TAGLN2: variants seen among roughly 807,000 people sequenced by gnomAD.
TAGLN2 encodes the protein transgelin-2.
Under a neutral mutation model 24.9 loss-of-function variants are expected in TAGLN2, and 14 were observed. The observed-to-expected ratio is 0.56, with a 90% CI of 0.37 to 0.88. The LOEUF (loss-of-function observed/expected upper bound fraction) is 0.88. TAGLN2 is among the 40% of genes least tolerant of loss of function. The pLI, the probability that TAGLN2 is intolerant of heterozygous loss-of-function variation, is 0.00. For synonymous variants in TAGLN2, 77 were observed against 98.2 expected, an observed-to-expected ratio of 0.78 and a Z score of 1.28; for missense variants, 208 against 258.9, an observed-to-expected ratio of 0.80 and a Z score of 1.35.
rs1424206087 is a variant in TAGLN2, at chr1:159,920,424, A to G, written c.86T>C (p.Ile29Thr). Residue 29 changes from isoleucine (I) to threonine (T), a missense_variant, in exon 2 of 5, where the codon ATC becomes ACC. By Grantham distance (89) the Ile-to-Thr change is moderately conservative (BLOSUM62 -1). Transcript: ENST00000368097. The stretch of plus-strand genomic sequence containing the variant: ...CTGGGTGGTGATCCACTGGATCAGG[A>G]TCTGCTCCAGATCTGCATCATATTG... ...EKQYDADLEQILIQWITTQCR... is the reference protein window; with the variant it reads ...EKQYDADLEQTLIQWITTQCR... The G allele has an allele frequency of 6.2e-7, 1 of 1,614,062 alleles. No homozygotes were observed. Among genetic ancestry groups the G allele is most frequent in the African/African-American group, 1.3e-5 (1 of 74,918 alleles).
At chr1:159,919,063 C>T in intron 4 of TAGLN2, 122 bp from the exon 5 acceptor site, 1 of 1,493,456 alleles carries the variant, frequency 6.7e-7, no homozygotes, top group Non-Finnish European at 9.1e-7. Flanking sequence ...CCCTCGAGAG[C>T]CATAAGCTCT....
chr1:159,923,375 G>A, intron 1 of TAGLN2: 2 of 1,532,976 alleles, frequency 1.3e-6, no homozygotes, highest in Non-Finnish European at 1.8e-6. Flanking sequence ...CAATAGGCGG[G>A]AAACGGGGAG....
chr1:159,923,671 G>A (rs192266566), intron 1 of TAGLN2: 10,475 of 486,216 alleles, frequency 0.022, 241 homozygotes, highest in South Asian at 0.082. Flanking sequence ...AGGATGGGGG[G>A]CGGCCCACAA....
At chr1:159,925,178 C>T (rs1650663780) in intron 1 of TAGLN2, 2 of 152,264 alleles carry the variant, frequency 1.3e-5, no homozygotes, top group South Asian at 4.1e-4. Flanking sequence ...GCGATGGAGC[C>T]CGCGGGTGGG....
At chr1:159,920,098 T>C (rs936032810) in intron 2 of TAGLN2, 3 of 782,844 alleles carry the variant, frequency 3.8e-6, no homozygotes, top group Non-Finnish European at 6.6e-6. Context: ...TCTTCCTCAG[T>C]GTCACCTCAG....
At chr1:159,923,596 G>C (rs1650605554) in intron 1 of TAGLN2, 1 of 1,062,012 alleles carries the variant, frequency 9.4e-7, no homozygotes, top group Non-Finnish European at 1.3e-6. Flanking sequence ...GGGACAGGGA[G>C]TGTTCTCAAA....
At chr1:159,923,404 G>C (rs1338741678) in intron 1 of TAGLN2, 1 of 1,547,460 alleles carries the variant, frequency 6.5e-7, no homozygotes, top group East Asian at 2.5e-5. Flanking sequence ...CAAGGCACTC[G>C]GCCCCACCCA....
Position 159,919,309 on chromosome 1 carries a change from A to G in TAGLN2, c.423T>C (p.Asp141=), listed in dbSNP as rs530332838. The G allele has an allele frequency of 1.7e-5, 28 of 1,614,200 alleles. No individual in the cohort carries two copies. In the African/African-American group the frequency reaches 2.8e-4, roughly 16 times the overall value. Residue 141 remains aspartate (D), a synonymous_variant, in exon 4 of 5, where the codon GAT becomes GAC. Coordinates refer to ENST00000368097, the MANE Select transcript of TAGLN2 (RefSeq NM_003564.3). ...NLGGLAVARD[D]GLFSGDPNWF... Reference sequence around the variant, plus strand: ...AGTTGGGATCCCCAGAGAAGAGCCCATCATCTCGGGCTACTGCCAGCCCAC... The same window carrying G: ...AGTTGGGATCCCCAGAGAAGAGCCCGTCATCTCGGGCTACTGCCAGCCCAC...
rs773513252 is a variant in TAGLN2 at position 159,918,954 on chromosome 1, G to A, written c.459-13C>T. Reference sequence around the variant, plus strand: ...CTCCTTGGATTTCCTGGGTGACAAGGGAGTGGTGGTTAGAGGAGATCACAG... The same window carrying A: ...CTCCTTGGATTTCCTGGGTGACAAGAGAGTGGTGGTTAGAGGAGATCACAG... On this transcript the variant is annotated splice_polypyrimidine_tract_variant and intron_variant, in intron 4 of 4. Coordinates refer to ENST00000368097, the MANE Select transcript of TAGLN2 (RefSeq NM_003564.3). 1.3e-5 allele frequency: 21 copies of A among 1,613,884 alleles called. No homozygotes were observed. In the South Asian group the frequency reaches 1.6e-4, roughly 13 times the overall value.
chr1:159,920,639 G>C, intron 1 of TAGLN2, 102 bp from the exon 2 acceptor site: 1 of 1,486,302 alleles, frequency 6.7e-7, no homozygotes, highest in South Asian at 1.4e-5. Flanking sequence ...TTTCCCCCAC[G>C]GTGAGCCCCA....
At chr1:159,919,926 C>T (rs1650473770) in intron 2 of TAGLN2, 91 bp from the exon 3 acceptor site, 4 of 1,422,518 alleles carry the variant, frequency 2.8e-6, no homozygotes, top group Middle Eastern at 1.9e-4. Context: ...GACAATGAAC[C>T]AGAGAGGCTC....
At chr1:159,919,025 G>C (rs1015652315) in intron 4 of TAGLN2, 84 bp from the exon 5 acceptor site, 265 of 1,575,106 alleles carry the variant, frequency 1.7e-4, no homozygotes, top group Non-Finnish European at 2.2e-4. Context: ...AGGCTTTGCT[G>C]TTGGCTCAAG....
Position 159,918,817 on chromosome 1 carries a change from G to A in TAGLN2, c.583C>T (p.Pro195Ser), listed in dbSNP as rs866044104. The A allele has an allele frequency of 1.2e-6, 2 of 1,614,114 alleles. No homozygotes were observed. The highest frequency in any genetic ancestry group is 1.1e-5 in the South Asian group (1 of 91,080). ...GGGTGGGATCAGAGGATCTGGCGTG[G>A]CATCCCGTAGCCAGTCATGCCTGCC... ...SQAGMTGYGM[P>S]RQIL Residue 195 changes from proline to serine, a missense_variant, in exon 5 of 5, where the codon CCA becomes TCA. Pro to Ser is a moderately conservative substitution (Grantham distance 74). Coordinates refer to ENST00000368097, the MANE Select transcript of TAGLN2 (RefSeq NM_003564.3).
rs1650433236 is a variant in TAGLN2, at chr1:159,918,941, C to T, written c.459G>A (p.Lys153=). ...LFSGDPNWFP[K]KSKENPRNFS... ...AGTTCCGAGGATTCTCCTTGGATTT[C>T]CTGGGTGACAAGGGAGTGGTGGTTA... is the stretch of plus-strand genomic sequence containing the variant. Residue 153 remains lysine (K), a splice_region_variant and synonymous_variant, in exon 5 of 5, where the codon AAG becomes AAA. Transcript: ENST00000368097. 1 of 1,613,938 alleles carries T rather than the reference C, an allele frequency of 6.2e-7. No homozygotes were observed.
At chr1:159,919,242 C>T (rs1446966356) in intron 4 of TAGLN2, 32 bp downstream of exon 4, 6 of 1,593,786 alleles carry the variant, frequency 3.8e-6, no homozygotes, top group Non-Finnish European at 5.2e-6. Context: ...AATGCACCTG[C>T]TGGACCCTGC....
rs1242565884 is a variant in TAGLN2, at chr1:159,919,835, C to G, written c.181G>C (p.Val61Leu). Residue 61 changes from valine to leucine, a missense_variant and splice_region_variant, in exon 3 of 5, where the codon GTG (valine) becomes CTG (leucine). Coordinates refer to ENST00000368097, the MANE Select transcript of TAGLN2 (RefSeq NM_003564.3). Reference protein sequence around the residue: ...NFQNWLKDGTVLCELINALYP... With the variant: ...NFQNWLKDGTLLCELINALYP... ...AGTGCATTAATGAGCTCACATAGCACCTGGATGAGGACAGCAGGGGTGGAA... is the reference window on the plus strand; with the variant it reads ...AGTGCATTAATGAGCTCACATAGCAGCTGGATGAGGACAGCAGGGGTGGAA... 2 of 1,613,406 alleles carry G rather than the reference C, an allele frequency of 1.2e-6. No homozygotes were observed. The highest frequency in any genetic ancestry group is 2.7e-5 in the African/African-American group (2 of 74,894).
Position 159,918,755 on chromosome 1 carries a change from A to G in TAGLN2, c.*45T>C. 6.2e-7 allele frequency: 1 copy of G among 1,600,736 alleles called. No individual in the cohort carries two copies. The highest frequency in any genetic ancestry group is 8.5e-7 in the Non-Finnish European group (1 of 1,173,044). ...ACTGCTAAAATATATATCTACATAT[A>G]TATTAACCATTCGTGGGAGGGCAGG... is the stretch of plus-strand genomic sequence containing the variant. On this transcript the variant is annotated 3_prime_UTR_variant, in exon 5 of 5. Coordinates refer to ENST00000368097, the MANE Select transcript of TAGLN2 (RefSeq NM_003564.3).
chr1:159,922,098 CT>C (rs1253113180), intron 1 of TAGLN2, among the ~76,000 whole-genome samples: 1 of 152,230 alleles, frequency 6.6e-6, no homozygotes, highest in East Asian at 1.9e-4. Context: ...CCAGCTCCCC[CT>C]CTCCCACACA....
rs1283778887 is a variant in TAGLN2, at chr1:159,919,106, A to G, written c.459-165T>C. ...CACCTCCTCATCTGTCCAAAGGGAC[A>G]GTCATTTGCCATCCCAGAGGGTGTT... On this transcript the variant is annotated intron_variant, in intron 4 of 4. Coordinates refer to ENST00000368097, the MANE Select transcript of TAGLN2 (RefSeq NM_003564.3). The G allele has an allele frequency of 2.6e-5, 34 of 1,287,412 alleles. No individual in the cohort carries two copies. The Admixed American group carries it at 6.7e-4, about 25-fold the overall frequency. The allele number at this position is 1,287,412 out of a possible 1,614,324, so 79.7% of individuals were successfully genotyped here. A position where few individuals can be genotyped will look rare whatever the true frequency, so the allele number is the denominator to read the frequency against.
Sources: allele counts gnomAD v4.1 joint callset (sites outside exome capture counted in the v4.1 genomes callset), GRCh38; gene constraint gnomAD v4.1.1; transcripts MANE v1.5; gene names NCBI Gene and HGNC (gene_info 2026-07-23, HGNC 2026-07-21).